PDGFD: variants seen among roughly 807,000 people sequenced by gnomAD.
The protein encoded by PDGFD is platelet-derived growth factor D.
A neutral mutation model predicts 44.7 loss-of-function variants in PDGFD; 30 were observed. The ratio of observed to expected loss-of-function variants is 0.67; its 90% CI spans 0.50 to 0.91. The LOEUF is 0.91. PDGFD is among the 40% of genes least tolerant of loss of function. The pLI is 0.00. For missense variants in PDGFD, 445 were observed against 457.8 expected (o/e 0.97, Z 0.25); for synonymous variants, 173 against 168.4 (o/e 1.03, Z -0.21).
At chr11:104,119,177 A>ATAAT (rs1565340629) in intron 1 of PDGFD, among the ~76,000 whole-genome samples, 67 of 5,092 alleles carry the variant, frequency 0.013, no homozygotes, top group Non-Finnish European at 0.017. Context: ...ATAATATATT[A>ATAAT]ATATAATATA....
chr11:103,910,549 G>T (rs563198657), intron 6 of PDGFD, among the ~76,000 whole-genome samples: 1 of 152,174 alleles, frequency 6.6e-6, no homozygotes. Context: ...TGTACCAGGA[G>T]GAATGGTGCA....
chr11:104,086,750 A>G (rs1233919516), intron 1 of PDGFD, among the ~76,000 whole-genome samples: 1 of 152,130 alleles, frequency 6.6e-6, no homozygotes, highest in Admixed American at 6.5e-5. Context: ...ACATAAACAA[A>G]ATTATTTTAC....
At chr11:104,038,069 A>C in intron 1 of PDGFD, 1 of 1,506,514 alleles carries the variant, frequency 6.6e-7, no homozygotes, top group Non-Finnish European at 9.0e-7. Context: ...CGGCAATTAT[A>C]AGTTAAGAGC....
At chr11:104,135,966 C>T (rs1021725214) in intron 1 of PDGFD, among the ~76,000 whole-genome samples, 3 of 152,074 alleles carry the variant, frequency 2.0e-5, no homozygotes, top group African/African-American at 7.2e-5. Flanking sequence ...TCTCTGGAAG[C>T]CTGGGAAGGA....
chr11:103,940,708 T>G (rs1012998838), intron 5 of PDGFD, among the ~76,000 whole-genome samples: 1 of 152,186 alleles, frequency 6.6e-6, no homozygotes, highest in Non-Finnish European at 1.5e-5. Context: ...AATGGAATGA[T>G]AAATAATTAA....
intron 5 of PDGFD, among the ~76,000 whole-genome samples, chr11:103,927,768 A>G (rs563452634): frequency 2.0e-5 from 3 of 152,330 alleles, no homozygotes; most frequent in Admixed American, 6.5e-5. Context: ...GAGCCGCAGT[A>G]AAGTTACAAC....
chr11:104,094,932 C>T (rs1327428912), intron 1 of PDGFD, among the ~76,000 whole-genome samples: 1 of 152,146 alleles, frequency 6.6e-6, no homozygotes, highest in African/African-American at 2.4e-5. Flanking sequence ...GATGTGACCC[C>T]TGCTAGGTTT....
chr11:103,999,170 A>C (rs1368960656), intron 2 of PDGFD, among the ~76,000 whole-genome samples: 1 of 152,208 alleles, frequency 6.6e-6, no homozygotes, highest in Non-Finnish European at 1.5e-5. Flanking sequence ...AAAAGCTGTC[A>C]GCATAATAAA....
In PDGFD at chr11:103,927,078, G is replaced by A. The variant is rs780645644; in HGVS notation, c.821C>T (p.Pro274Leu). The A allele has an allele frequency of 2.5e-6, 4 of 1,614,074 alleles. No individual in the cohort carries two copies. In the East Asian group the frequency reaches 8.9e-5, roughly 36 times the overall value. ...TCTTATATTGACCGAGTAATTCCTGGGAGTGCAACTGTAACGCTTGGCATC... is the reference window on the plus strand; with the variant it reads ...TCTTATATTGACCGAGTAATTCCTGAGAGTGCAACTGTAACGCTTGGCATC... ...NDDAKRYSCTPRNYSVNIREE... is the reference protein window; with the variant it reads ...NDDAKRYSCTLRNYSVNIREE... The change falls in exon 6 of 7, where the codon CCC becomes CTC. Residue 274 changes from proline (P) to leucine (L), a missense_variant. Coordinates refer to ENST00000393158, the MANE Select transcript of PDGFD (RefSeq NM_025208.5).
chr11:103,950,394 CA>C (rs375762671), intron 3 of PDGFD, among the ~76,000 whole-genome samples: 17,547 of 107,616 alleles, frequency 0.16, 1,689 homozygotes, highest in African/African-American at 0.31. Flanking sequence ...ACTAATAATA[CA>C]AAAAAAAAAA....
At chr11:104,107,983 A>AAAAT (rs1366970452) in intron 1 of PDGFD, among the ~76,000 whole-genome samples, 1 of 152,142 alleles carries the variant, frequency 6.6e-6, no homozygotes, top group African/African-American at 2.4e-5. Context: ...CCTAGGCTGA[A>AAAAT]AAATAAATAA....
intron 1 of PDGFD, among the ~76,000 whole-genome samples, chr11:104,159,368 C>T (rs1323700120): frequency 6.6e-6 from 1 of 152,100 alleles, no homozygotes; most frequent in Non-Finnish European, 1.5e-5. Context: ...ACACATTCTA[C>T]ACCTGGTTCA....
At chr11:104,030,717 T>C (rs1420616954) in intron 1 of PDGFD, among the ~76,000 whole-genome samples, 1 of 151,544 alleles carries the variant, frequency 6.6e-6, no homozygotes, top group African/African-American at 2.4e-5. Context: ...GAGAAAGAGG[T>C]CAAGCAAGTG....
intron 1 of PDGFD, among the ~76,000 whole-genome samples, chr11:104,002,822 A>T (rs1483631624): frequency 3.3e-5 from 5 of 152,244 alleles, no homozygotes; most frequent in Non-Finnish European, 7.3e-5. Context: ...AAGCAAATTT[A>T]TTCTAAAATA....
intron 6 of PDGFD, among the ~76,000 whole-genome samples, chr11:103,912,148 G>A (rs763878037): frequency 8.5e-5 from 13 of 152,110 alleles, no homozygotes; most frequent in Non-Finnish European, 1.5e-4. Flanking sequence ...GATACTCCTC[G>A]AGAAGAACAA....
At chr11:104,094,469 T>G (rs1266700660) in intron 1 of PDGFD, among the ~76,000 whole-genome samples, 1 of 152,114 alleles carries the variant, frequency 6.6e-6, no homozygotes, top group Non-Finnish European at 1.5e-5. Context: ...CTACTTGAGA[T>G]GCAAGCATCT....
intron 1 of PDGFD, among the ~76,000 whole-genome samples, chr11:104,050,430 C>T (rs575317478): frequency 1.3e-5 from 2 of 152,072 alleles, no homozygotes; most frequent in Non-Finnish European, 2.9e-5. Context: ...AGGCCAGTCC[C>T]GAGGGCCCGC....
chr11:104,089,719 G>A (rs1306743070), intron 1 of PDGFD, among the ~76,000 whole-genome samples: 2 of 152,104 alleles, frequency 1.3e-5, no homozygotes, highest in Non-Finnish European at 2.9e-5. Flanking sequence ...ACTTGAAATC[G>A]TATGCATTTT....
At chr11:104,073,054 T>C (rs987966779) in intron 1 of PDGFD, among the ~76,000 whole-genome samples, 2 of 152,066 alleles carry the variant, frequency 1.3e-5, no homozygotes, top group South Asian at 2.1e-4. Flanking sequence ...TTACAAACAT[T>C]TGTACATTCT....
Sources: gnomAD v4.1 joint callset for allele counts (sites outside exome capture counted in the v4.1 genomes callset) on GRCh38, gnomAD v4.1.1 for gene constraint, MANE v1.5 for transcripts, NCBI Gene and HGNC (gene_info 2026-07-23, HGNC 2026-07-21) for gene names.